Variants in KDELR1 observed in about 807,000 individuals in gnomAD.
The protein encoded by KDELR1 is KDEL endoplasmic reticulum protein retention receptor 1, also known as ER lumen protein-retaining receptor 1.
A neutral mutation model predicts 25.5 loss-of-function variants in KDELR1; 16 were observed. That is an observed-to-expected ratio of 0.63 (90% CI 0.43 to 0.95). The LOEUF (loss-of-function observed/expected upper bound fraction) is 0.95. Among genes scored for constraint, KDELR1 ranks in the 40% least tolerant of loss-of-function variants. The pLI, the probability that KDELR1 is intolerant of heterozygous loss-of-function variation, is 0.00. For synonymous variants in KDELR1, 121 were observed against 115.0 expected (o/e 1.05, Z -0.33); for missense variants, 159 against 265.2 (o/e 0.60, Z 2.78).
At chr19:48,388,527 A>C (rs551215573) in intron 3 of KDELR1, among the ~76,000 whole-genome samples, 13 of 152,080 alleles carry the variant, frequency 8.5e-5, no homozygotes, top group African/African-American at 3.1e-4. Context: ...CTCTACTAAA[A>C]ATACAAAAAA....
At position 48,391,313 on chromosome 19, in the gene KDELR1, T is replaced by C; in HGVS notation, c.46A>G (p.Ile16Val). 1.3e-6 allele frequency: 2 copies of C among 1,559,332 alleles called. No individual in the cohort carries two copies. Among genetic ancestry groups the C allele is most frequent in the Non-Finnish European group, 1.7e-6 (2 of 1,151,370 alleles). ...FLGDLSHLLA[I>V]ILLLLKIWKS... The stretch of plus-strand genomic sequence containing the variant: ...CAGATTTTGAGCAGTAGCAAGATGA[T>C]GGCGAGGAGGTGGGAGAGGTCTCCC... Residue 16 changes from isoleucine (I) to valine (V), a missense_variant, in exon 1 of 5, where the codon ATC (isoleucine) becomes GTC (valine). Ile to Val is a conservative substitution (Grantham distance 29). Transcript: ENST00000330720.
chr19:48,390,758 G>C (rs1970541804), intron 1 of KDELR1: 2 of 508,738 alleles, frequency 3.9e-6, no homozygotes, highest in Admixed American at 6.8e-5. Context: ...ACCACAGCCA[G>C]GGGGCAGCCC....
chr19:48,391,550 A>G lies in KDELR1; in HGVS notation c.-192T>C. The G allele has an allele frequency of 1.7e-6, 1 of 582,168 alleles. No homozygotes were observed. The highest frequency in any genetic ancestry group is 3.1e-6 in the Non-Finnish European group (1 of 325,686). 36.1% of individuals were successfully genotyped at this position (582,168 alleles called of 1,614,324 possible). A position where few individuals can be genotyped will look rare whatever the true frequency, so the allele number is the denominator to read the frequency against. The stretch of plus-strand genomic sequence containing the variant: ...GCTGGCGGCGGAGCTGGAGCCGGGA[A>G]GAGGGAGGAGAGCGAGAGGGGGAGG... On this transcript the variant is annotated 5_prime_UTR_variant, in exon 1 of 5. Transcript: ENST00000330720.
intron 3 of KDELR1, chr19:48,387,955 C>A (rs1326023491): frequency 6.6e-6 from 1 of 152,168 alleles, no homozygotes; most frequent in Non-Finnish European, 1.5e-5. Flanking sequence ...TGTACAGGTC[C>A]CAGCAAAACA....
rs4009671 is a variant in KDELR1 at position 48,388,931 on chromosome 19, G to A, written c.351+622C>T. On this transcript the variant is annotated intron_variant, in intron 3 of 4. Transcript: ENST00000330720. ...AGAAAGGAAAGAAAGAAAGAAAGAAGGAAAGAAAGAAAGAAAAAAGAAACT... is the reference window on the plus strand; with the variant it reads ...AGAAAGGAAAGAAAGAAAGAAAGAAAGAAAGAAAGAAAGAAAAAAGAAACT... Among the ~76,000 whole-genome samples, 1,170 of 146,386 alleles carry A rather than the reference G, an allele frequency of 8.0e-3. 15 individuals carry two copies. Among genetic ancestry groups the A allele is most frequent in the Middle Eastern group, 0.031 (9 of 288 alleles).
chr19:48,385,045 C>A (rs1970485277), intron 3 of KDELR1, among the ~76,000 whole-genome samples: 1 of 152,116 alleles, frequency 6.6e-6, no homozygotes, highest in African/African-American at 2.4e-5. Flanking sequence ...CACCACCACA[C>A]CCGGCTAATT....
chr19:48,397,038 G>A, the KDELR1 span, among the ~76,000 whole-genome samples: 1 of 152,124 alleles, frequency 6.6e-6, no homozygotes, highest in Non-Finnish European at 1.5e-5. Flanking sequence ...CAGGAAGAGA[G>A]GCTGTATTTC....
At chr19:48,387,548 G>C (rs2147421403) in intron 3 of KDELR1, among the ~76,000 whole-genome samples, 1 of 152,184 alleles carries the variant, frequency 6.6e-6, no homozygotes, top group East Asian at 1.9e-4. Context: ...CAGGCGTGGT[G>C]GCAAGCACCT....
upstream of KDELR1, among the ~76,000 whole-genome samples, chr19:48,395,342 A>T (rs1044116503): frequency 2.7e-5 from 4 of 150,292 alleles, no homozygotes; most frequent in African/African-American, 9.8e-5. Context: ...TGTCAGAGCT[A>T]TGAGTCTGCT....
Position 48,386,794 on chromosome 19 carries a change from C to T in KDELR1, c.352-2312G>A, listed in dbSNP as rs1600956809. The stretch of plus-strand genomic sequence containing the variant: ...AAGAATATTTTCCTTAGGTCAGGCA[C>T]GGCAGCTCACACCTGTAATCCCAGC... On this transcript the variant is annotated intron_variant, in intron 3 of 4. Coordinates refer to ENST00000330720, the MANE Select transcript of KDELR1 (RefSeq NM_006801.3). Among the ~76,000 whole-genome samples the T allele has an allele frequency of 2.0e-5, 3 of 151,918 alleles. No homozygotes were observed. The South Asian group carries it at 6.2e-4, about 32-fold the overall frequency.
chr19:48,387,554 C>T (rs1397073169), intron 3 of KDELR1, among the ~76,000 whole-genome samples: 1 of 151,840 alleles, frequency 6.6e-6, no homozygotes, highest in African/African-American at 2.4e-5. Flanking sequence ...TGGTGGCAAG[C>T]ACCTGTAATC....
chr19:48,393,510 C>A (rs1958668969), upstream of KDELR1, among the ~76,000 whole-genome samples: 2 of 152,186 alleles, frequency 1.3e-5, no homozygotes, highest in South Asian at 2.1e-4. This position sits in a 1 kb window ranked among gnomAD's most constrained non-coding sequence, Gnocchi z 5.6. Context: ...ATTTTCAGCC[C>A]CTCACTCCCT....
At chr19:48,388,400 T>A (rs953362264) in intron 3 of KDELR1, among the ~76,000 whole-genome samples, 2 of 152,120 alleles carry the variant, frequency 1.3e-5, no homozygotes, top group Non-Finnish European at 2.9e-5. Context: ...ACTAGCAGAT[T>A]TGGAGCCGGG....
rs1970480244 is a variant in KDELR1, at chr19:48,384,548, C to T, written c.352-66G>A. On this transcript the variant is annotated intron_variant, in intron 3 of 4. Transcript: ENST00000330720. This position sits in a 1 kb window ranked among gnomAD's most constrained non-coding sequence, Gnocchi z 4.6. ...GGGCGGGAGAAAAGGCAGAGGACAA[C>T]ATTGCAGTTACAGGTGCCGCGAAGG... 1.9e-6 allele frequency: 3 copies of T among 1,551,942 alleles called. No individual in the cohort carries two copies. The highest frequency in any genetic ancestry group is 4.6e-5 in the East Asian group (2 of 43,016).
chr19:48,383,174 T>C lies in KDELR1; in HGVS notation c.*119A>G. The C allele has an allele frequency of 9.6e-7, 1 of 1,038,432 alleles. No homozygotes were observed. The highest frequency in any genetic ancestry group is 1.5e-6 in the Non-Finnish European group (1 of 687,850). 64.3% of individuals were successfully genotyped at this position (1,038,432 alleles called of 1,614,324 possible). A position where few individuals can be genotyped will look rare whatever the true frequency, so the allele number is the denominator to read the frequency against. On this transcript the variant is annotated 3_prime_UTR_variant, in exon 5 of 5. Coordinates refer to ENST00000330720, the MANE Select transcript of KDELR1 (RefSeq NM_006801.3). The stretch of plus-strand genomic sequence containing the variant: ...CCCTGAAACCCGGCAGGAGGCGGGA[T>C]GGGGAGCACAAGAGGTGGGTTCTTA...
At chr19:48,388,503 T>C (rs1293048554) in intron 3 of KDELR1, among the ~76,000 whole-genome samples, 4 of 152,038 alleles carry the variant, frequency 2.6e-5, no homozygotes, top group African/African-American at 9.7e-5. Context: ...CTGGCCAATA[T>C]GTTGAAACCC....
At chr19:48,390,679 G>A in intron 1 of KDELR1, 155 bp from the exon 2 acceptor site, 1 of 595,030 alleles carries the variant, frequency 1.7e-6, no homozygotes, top group Non-Finnish European at 3.0e-6. Flanking sequence ...CCTGGAGGCA[G>A]CTCTGGAGTG....
chr19:48,392,017 C>G (rs1386643933), upstream of KDELR1, among the ~76,000 whole-genome samples: 1 of 151,732 alleles, frequency 6.6e-6, no homozygotes, highest in Non-Finnish European at 1.5e-5. Context: ...TCCCTCAGAC[C>G]CAGGAGTCCA....
chr19:48,393,635 G>A (rs907147441), upstream of KDELR1, among the ~76,000 whole-genome samples: 5 of 152,174 alleles, frequency 3.3e-5, no homozygotes, highest in Admixed American at 6.5e-5. This position sits in a 1 kb window ranked among gnomAD's most constrained non-coding sequence, Gnocchi z 5.6. Context: ...TGGGTCTCCC[G>A]GCAGTGGCAG....
Sources: allele counts gnomAD v4.1 joint callset (sites outside exome capture counted in the v4.1 genomes callset), GRCh38; gene constraint gnomAD v4.1.1; non-coding constraint Gnocchi (gnomAD v3.1); transcripts MANE v1.5; gene names NCBI Gene and HGNC (gene_info 2026-07-23, HGNC 2026-07-21).